EDIL3: variants seen among roughly 807,000 people sequenced by gnomAD.
EDIL3 encodes EGF like and discoidin domains 3.
A neutral mutation model predicts 67.4 loss-of-function variants in EDIL3; 37 were observed. The ratio of observed to expected loss-of-function variants is 0.55; its 90% CI spans 0.42 to 0.72. The LOEUF (loss-of-function observed/expected upper bound fraction) is 0.72. Among genes scored for constraint, EDIL3 ranks in the 30% least tolerant of loss-of-function variants. EDIL3 has a pLI of 0.00. For missense variants in EDIL3, 527 were observed against 586.3 expected (o/e 0.90, Z 1.04); for synonymous variants, 195 against 196.3 (o/e 0.99, Z 0.05).
chr5:84,315,674 C>T (rs1308882957), intron 1 of EDIL3, among the ~76,000 whole-genome samples: 4 of 151,566 alleles, frequency 2.6e-5, no homozygotes, highest in Middle Eastern at 3.4e-3. Context: ...TGTAGAGCAC[C>T]GAAAACACTC....
intron 1 of EDIL3, among the ~76,000 whole-genome samples, chr5:84,306,921 A>AAT (rs1746285379): frequency 6.6e-6 from 1 of 152,208 alleles, no homozygotes; most frequent in Admixed American, 6.5e-5. Flanking sequence ...GATTCATGTA[A>AAT]AATGCTTCAC....
chr5:84,313,999 C>T (rs1016039594), intron 1 of EDIL3, among the ~76,000 whole-genome samples: 1 of 151,944 alleles, frequency 6.6e-6, no homozygotes, highest in Non-Finnish European at 1.5e-5. Context: ...AGTTTCAGAC[C>T]AGCCTGGACA....
chr5:84,217,660 A>G (rs1744254728), intron 3 of EDIL3, among the ~76,000 whole-genome samples: 1 of 151,328 alleles, frequency 6.6e-6, no homozygotes, highest in African/African-American at 2.4e-5. Flanking sequence ...CCAGCACTCA[A>G]AATCACATAA....
intron 4 of EDIL3, among the ~76,000 whole-genome samples, chr5:84,149,344 CCA>C (rs1748346999): frequency 6.6e-6 from 1 of 152,070 alleles, no homozygotes; most frequent in Non-Finnish European, 1.5e-5. Context: ...TACTTGGAGC[CCA>C]CACTAGGCCA....
chr5:84,113,699 C>T (rs967947438), intron 5 of EDIL3, among the ~76,000 whole-genome samples: 1 of 152,154 alleles, frequency 6.6e-6, no homozygotes, highest in Non-Finnish European at 1.5e-5. Flanking sequence ...GCTGATTAAG[C>T]CTTTCAAATA....
intron 9 of EDIL3, among the ~76,000 whole-genome samples, chr5:84,022,658 C>T (rs454721): frequency 0.61 from 91,814 of 151,462 alleles, 29,097 homozygotes; most frequent in East Asian, 0.75. Context: ...GACAGACAGA[C>T]AAATTGCCAC....
intron 6 of EDIL3, among the ~76,000 whole-genome samples, chr5:84,087,691 A>G (rs1018926548): frequency 6.6e-6 from 1 of 152,184 alleles, no homozygotes; most frequent in Non-Finnish European, 1.5e-5. Flanking sequence ...CAGCTTACCT[A>G]ATAAACAATA....
At chr5:84,330,624 A>G (rs975087531) in intron 1 of EDIL3, among the ~76,000 whole-genome samples, 1 of 152,132 alleles carries the variant, frequency 6.6e-6, no homozygotes, top group Non-Finnish European at 1.5e-5. Context: ...GAGATAAATG[A>G]TCAATAAAAT....
intron 3 of EDIL3, among the ~76,000 whole-genome samples, chr5:84,209,018 A>G (rs193282322): frequency 1.3e-5 from 2 of 152,198 alleles, no homozygotes; most frequent in Non-Finnish European, 2.9e-5. Context: ...AATGTGGCAC[A>G]TATACACCTT....
intron 3 of EDIL3, among the ~76,000 whole-genome samples, chr5:84,182,928 A>T (rs111500554): frequency 3.3e-5 from 5 of 152,306 alleles, no homozygotes; most frequent in African/African-American, 1.2e-4. Flanking sequence ...GAGGTGGTAC[A>T]TTGCCAATAT....
At chr5:84,044,237 A>T (rs1224558153) in intron 9 of EDIL3, among the ~76,000 whole-genome samples, 1 of 152,174 alleles carries the variant, frequency 6.6e-6, no homozygotes, top group Non-Finnish European at 1.5e-5. Flanking sequence ...CTCCATGAAA[A>T]ATAAGTTAGA....
Position 84,271,210 on chromosome 5 carries a change from A to C in EDIL3, c.68-16998T>G, listed in dbSNP as rs141360880. Among the ~76,000 whole-genome samples the C allele has an allele frequency of 1.2e-3, 182 of 152,162 alleles. 1 individual carries two copies. Among genetic ancestry groups the C allele is most frequent in the African/African-American group, 4.2e-3 (175 of 41,542 alleles). The stretch of plus-strand genomic sequence containing the variant: ...GCCCGTTTAACTATCACTTAAAATA[A>C]AGGAGAGACCTGGCTAACACGGGGA... On this transcript the variant is annotated intron_variant, in intron 1 of 10. Transcript: ENST00000296591.
intron 1 of EDIL3, among the ~76,000 whole-genome samples, chr5:84,330,722 G>A (rs1221523467): frequency 6.6e-6 from 1 of 152,080 alleles, no homozygotes; most frequent in Non-Finnish European, 1.5e-5. Flanking sequence ...GCTCCTGCAG[G>A]GTGCAAGGAT....
At chr5:83,951,795 A>G (rs148536462) in intron 10 of EDIL3, among the ~76,000 whole-genome samples, 1 of 151,666 alleles carries the variant, frequency 6.6e-6, no homozygotes, top group East Asian at 2.0e-4. Context: ...TTTTGATAGT[A>G]TTTTTTTTAG....
At chr5:84,241,800 T>C (rs1051612377) in intron 2 of EDIL3, among the ~76,000 whole-genome samples, 5 of 152,012 alleles carry the variant, frequency 3.3e-5, no homozygotes, top group African/African-American at 1.2e-4. Flanking sequence ...AGATGTTTGA[T>C]TTCTGCATGT....
intron 9 of EDIL3, among the ~76,000 whole-genome samples, chr5:84,051,575 A>G (rs1561415398): frequency 6.6e-6 from 1 of 152,156 alleles, no homozygotes; most frequent in Admixed American, 6.5e-5. Context: ...TGATTAAACA[A>G]ATGGCTAACT....
intron 9 of EDIL3, among the ~76,000 whole-genome samples, chr5:83,974,615 C>T (rs1453234461): frequency 6.6e-6 from 1 of 152,020 alleles, no homozygotes; most frequent in Non-Finnish European, 1.5e-5. Context: ...AAAGAGCCTC[C>T]AGCAGATCTG....
chr5:84,316,289 T>C lies in EDIL3; in HGVS notation c.68-62077A>G, dbSNP rs577923723. On this transcript the variant is annotated intron_variant, in intron 1 of 10. Coordinates refer to ENST00000296591, the MANE Select transcript of EDIL3 (RefSeq NM_005711.5). Reference sequence around the variant, plus strand: ...TAACTTTAAATGTAACTGGGCTAAATGCCCCAGTTAAAAGATACAGACAGG... The same window carrying C: ...TAACTTTAAATGTAACTGGGCTAAACGCCCCAGTTAAAAGATACAGACAGG... Among the ~76,000 whole-genome samples the C allele has an allele frequency of 9.2e-5, 14 of 152,214 alleles. No individual in the cohort carries two copies. The East Asian group carries it at 2.7e-3, about 29-fold the overall frequency.
intron 1 of EDIL3, among the ~76,000 whole-genome samples, chr5:84,284,051 T>G (rs933077264): frequency 6.6e-6 from 1 of 152,030 alleles, no homozygotes; most frequent in Non-Finnish European, 1.5e-5. Context: ...CTCAACACCA[T>G]CATCGCACCT....
Sources: allele counts gnomAD v4.1 joint callset (sites outside exome capture counted in the v4.1 genomes callset), GRCh38; gene constraint gnomAD v4.1.1; transcripts MANE v1.5; gene names NCBI Gene and HGNC (gene_info 2026-07-23, HGNC 2026-07-21).